Variants in TCEA1 observed in about 807,000 individuals in gnomAD.
TCEA1 encodes the protein transcription elongation factor A1.
A neutral mutation model predicts 43.8 loss-of-function variants in TCEA1; 21 were observed. That is an observed-to-expected ratio of 0.48 (90% CI 0.34 to 0.69). The LOEUF is 0.69. Among genes scored for constraint, TCEA1 ranks in the 30% least tolerant of loss-of-function variants. The pLI is 0.01. For synonymous variants in TCEA1, 104 were observed against 117.5 expected, an observed-to-expected ratio of 0.88 and a Z score of 0.75; for missense variants, 250 against 365.1, an observed-to-expected ratio of 0.68 and a Z score of 2.57.
chr8:53,973,397 G>C, intron 8 of TCEA1: 2 of 504,666 alleles, frequency 4.0e-6, no homozygotes, highest in South Asian at 3.5e-5. Flanking sequence ...AGAAAAAGAA[G>C]ACTCTTGCTA....
chr8:53,969,006 T>G (rs933497535), intron 9 of TCEA1, among the ~76,000 whole-genome samples: 3 of 152,084 alleles, frequency 2.0e-5, no homozygotes, highest in Non-Finnish European at 2.9e-5. Context: ...ATAAGGGTAC[T>G]GGGCCGGCCA....
chr8:53,995,290 G>A (rs1804016092), intron 3 of TCEA1, among the ~76,000 whole-genome samples: 2 of 127,552 alleles, frequency 1.6e-5, no homozygotes, highest in Admixed American at 1.6e-4. Flanking sequence ...GTGAGACTCT[G>A]TCTCAAAAAA....
At chr8:53,973,604 T>A (rs1168104244) in intron 8 of TCEA1, 1 of 565,478 alleles carries the variant, frequency 1.8e-6, no homozygotes, top group Non-Finnish European at 3.4e-6. Flanking sequence ...AGGAGGAAAG[T>A]AAGAAACACT....
At chr8:53,973,618 A>G in intron 8 of TCEA1, 1 of 569,312 alleles carries the variant, frequency 1.8e-6, no homozygotes, top group Non-Finnish European at 3.4e-6. Flanking sequence ...AAACACTTCA[A>G]TTACAACAAG....
intron 8 of TCEA1, chr8:53,971,843 CA>C: frequency 4.6e-6 from 1 of 217,554 alleles, no homozygotes. Context: ...GAAAGCTAAT[CA>C]AAAGGATTCT....
chr8:53,978,811 TAA>T lies in TCEA1; in HGVS notation c.825+212_825+213del, dbSNP rs1262518744. The T allele has an allele frequency of 3.0e-5, 13 of 438,754 alleles. No homozygotes were observed. In the East Asian group the frequency reaches 3.7e-4, roughly 12 times the overall value. The allele number at this position is 438,754 out of a possible 1,614,324, so 27.2% of individuals were successfully genotyped here. On this transcript the variant is annotated intron_variant, in intron 8 of 9. Transcript: ENST00000521604. ...TCTCTTCCTATGCCTAATTTATAAA[TAA>T]AACTTATCAGTACATATGTATCGGA...
chr8:54,014,890 C>T (rs929445132), intron 1 of TCEA1, among the ~76,000 whole-genome samples: 1 of 152,168 alleles, frequency 6.6e-6, no homozygotes, highest in African/African-American at 2.4e-5. Context: ...CGTAGGTGAG[C>T]ATAACACACC....
intron 3 of TCEA1, among the ~76,000 whole-genome samples, chr8:53,995,992 T>C (rs1804040609): frequency 6.6e-6 from 1 of 152,216 alleles, no homozygotes; most frequent in African/African-American, 2.4e-5. Context: ...GCTATAGTAC[T>C]GTAACACTGA....
chr8:53,977,876 T>C (rs28698373), intron 8 of TCEA1, among the ~76,000 whole-genome samples: 5,792 of 152,270 alleles, frequency 0.038, 371 homozygotes, highest in African/African-American at 0.13. Flanking sequence ...TCATAAGCCA[T>C]GTGGAGGAGC....
chr8:53,980,170 C>T (rs566536783), intron 7 of TCEA1, among the ~76,000 whole-genome samples: 79 of 152,238 alleles, frequency 5.2e-4, no homozygotes, highest in African/African-American at 1.8e-3. Context: ...CTCTAGTATC[C>T]AGATTATAGT....
intron 1 of TCEA1, among the ~76,000 whole-genome samples, chr8:54,014,782 T>C (rs1384621111): frequency 1.3e-5 from 2 of 152,216 alleles, no homozygotes; most frequent in Non-Finnish European, 2.9e-5. Context: ...ATGGTGTACA[T>C]ATATGACAGA....
intron 4 of TCEA1, among the ~76,000 whole-genome samples, chr8:53,990,198 CAA>C (rs1304709527): frequency 2.3e-5 from 3 of 131,002 alleles, no homozygotes; most frequent in Admixed American, 7.7e-5. Flanking sequence ...ACTCTGTCTC[CAA>C]AAAAAAAAAA....
chr8:54,015,713 A>AT (rs1804798050), intron 1 of TCEA1, among the ~76,000 whole-genome samples: 1 of 152,220 alleles, frequency 6.6e-6, no homozygotes, highest in African/African-American at 2.4e-5. Flanking sequence ...CAGTATCAGC[A>AT]TATCTAACAA....
At chr8:54,014,335 C>A (rs751774720) in intron 1 of TCEA1, among the ~76,000 whole-genome samples, 2 of 152,112 alleles carry the variant, frequency 1.3e-5, no homozygotes, top group Non-Finnish European at 2.9e-5. Context: ...CTAGGCCAGG[C>A]ACAATGGCTC....
intron 5 of TCEA1, among the ~76,000 whole-genome samples, chr8:53,987,735 ATAC>A (rs1803733625): frequency 1.3e-5 from 2 of 152,344 alleles, no homozygotes; most frequent in South Asian, 4.1e-4. Flanking sequence ...GAAAACATTC[ATAC>A]TATATGTCAT....
chr8:54,019,620 T>G (rs572153877), intron 1 of TCEA1, among the ~76,000 whole-genome samples: 1 of 148,986 alleles, frequency 6.7e-6, no homozygotes, highest in Non-Finnish European at 1.5e-5. Flanking sequence ...TTAAAAAAGC[T>G]GAGAGAAAAA....
At chr8:53,997,670 G>T (rs749291903) in intron 3 of TCEA1, among the ~76,000 whole-genome samples, 1 of 152,226 alleles carries the variant, frequency 6.6e-6, no homozygotes, top group Non-Finnish European at 1.5e-5. Context: ...GGCCAAGGCA[G>T]GTTGGATCGC....
At chr8:53,997,244 A>T (rs1161232538) in intron 3 of TCEA1, among the ~76,000 whole-genome samples, 1 of 152,110 alleles carries the variant, frequency 6.6e-6, no homozygotes, top group Non-Finnish European at 1.5e-5. Context: ...TGATTTTATA[A>T]GTATTGAAGC....
chr8:53,998,094 C>G (rs1475401732), intron 3 of TCEA1, among the ~76,000 whole-genome samples: 1 of 152,096 alleles, frequency 6.6e-6, no homozygotes, highest in Non-Finnish European at 1.5e-5. Context: ...TGATAAAAAT[C>G]TGATTTGCAT....
Sources: gnomAD v4.1 joint callset for allele counts (sites outside exome capture counted in the v4.1 genomes callset) on GRCh38, gnomAD v4.1.1 for gene constraint, MANE v1.5 for transcripts, NCBI Gene and HGNC (gene_info 2026-07-23, HGNC 2026-07-21) for gene names.